Variants in TRHR observed in about 807,000 individuals in gnomAD.
TRHR encodes the protein thyrotropin-releasing hormone receptor.
TRHR carries 14 observed loss-of-function variants against 28.0 expected under a neutral mutation model. The ratio of observed to expected loss-of-function variants is 0.50; its 90% confidence interval spans 0.33 to 0.78. The LOEUF (loss-of-function observed/expected upper bound fraction) is 0.78, where lower values mean the gene tolerates loss of function less well. TRHR is among the 30% of genes least tolerant of loss of function. TRHR has a pLI of 0.02. For missense variants in TRHR, 438 were observed against 469.5 expected (o/e 0.93, Z 0.62); for synonymous variants, 176 against 171.9 (o/e 1.02, Z -0.18).
chr8:109,110,876 T>C (rs112070613), intron 2 of TRHR, among the ~76,000 whole-genome samples: 2,094 of 152,202 alleles, frequency 0.014, 47 homozygotes, highest in African/African-American at 0.041. Flanking sequence ...TGAATGTCAG[T>C]TGGGTGCGGT....
intron 2 of TRHR, among the ~76,000 whole-genome samples, chr8:109,104,121 G>A (rs1331411538): frequency 6.6e-6 from 1 of 152,054 alleles, no homozygotes; most frequent in East Asian, 1.9e-4. Flanking sequence ...CCACTGCCAG[G>A]TAGCCTGCTA....
chr8:109,097,146 T>A (rs1811606056), intron 2 of TRHR, among the ~76,000 whole-genome samples: 1 of 152,142 alleles, frequency 6.6e-6, no homozygotes, highest in Admixed American at 6.5e-5. Flanking sequence ...GGCTTTCCCA[T>A]GAACCTTTAA....
chr8:109,105,766 T>C (rs539079012), intron 2 of TRHR, among the ~76,000 whole-genome samples: 3 of 152,158 alleles, frequency 2.0e-5, no homozygotes, highest in Non-Finnish European at 4.4e-5. Flanking sequence ...ATTAAATTTT[T>C]AGTAGAACTT....
At chr8:109,114,647 T>C (rs920437667) in intron 2 of TRHR, among the ~76,000 whole-genome samples, 4 of 152,046 alleles carry the variant, frequency 2.6e-5, no homozygotes, top group Admixed American at 6.6e-5. Flanking sequence ...ATATACCCAC[T>C]GTTACACTTC....
chr8:109,099,326 T>C (rs1487752490), intron 2 of TRHR, among the ~76,000 whole-genome samples: 2 of 152,222 alleles, frequency 1.3e-5, no homozygotes, highest in Admixed American at 6.5e-5. Flanking sequence ...TATTTACAAA[T>C]AGGAGGCTAA....
intron 2 of TRHR, among the ~76,000 whole-genome samples, chr8:109,091,492 A>AT (rs1453658331): frequency 6.6e-6 from 1 of 152,128 alleles, no homozygotes; most frequent in African/African-American, 2.4e-5. Context: ...TTTTCTCTGC[A>AT]TTTTTTTCTT....
intron 2 of TRHR, among the ~76,000 whole-genome samples, chr8:109,112,231 G>A (rs1811844998): frequency 1.3e-5 from 2 of 152,094 alleles, no homozygotes; most frequent in Non-Finnish European, 2.9e-5. Flanking sequence ...AGACCCATGA[G>A]CATGCACAGA....
At chr8:109,103,684 T>C (rs1811710063) in intron 2 of TRHR, among the ~76,000 whole-genome samples, 1 of 152,160 alleles carries the variant, frequency 6.6e-6, no homozygotes, top group Admixed American at 6.6e-5. Context: ...CAAAATCCAA[T>C]GCAGACCCAA....
At chr8:109,116,684 C>T (rs1317588999) in intron 2 of TRHR, among the ~76,000 whole-genome samples, 1 of 151,886 alleles carries the variant, frequency 6.6e-6, no homozygotes, top group African/African-American at 2.4e-5. Flanking sequence ...CTATTTCATT[C>T]TTCTCTCTTT....
At chr8:109,107,784 T>C (rs1397797437) in intron 2 of TRHR, among the ~76,000 whole-genome samples, 1 of 152,058 alleles carries the variant, frequency 6.6e-6, no homozygotes, top group East Asian at 1.9e-4. Flanking sequence ...ATAGTACATA[T>C]TACAATGTGT....
At chr8:109,089,288 G>A (rs73702769) in intron 2 of TRHR, among the ~76,000 whole-genome samples, 5,125 of 151,174 alleles carry the variant, frequency 0.034, 296 homozygotes, top group African/African-American at 0.12. Flanking sequence ...AAATCAACAT[G>A]CTGATACTTT....
At chr8:109,100,359 T>C (rs551148320) in intron 2 of TRHR, among the ~76,000 whole-genome samples, 2 of 152,254 alleles carry the variant, frequency 1.3e-5, no homozygotes, top group South Asian at 4.1e-4. Flanking sequence ...TCTGAATAAG[T>C]TAAAAGCAAT....
chr8:109,097,932 T>C (rs1377188056), intron 2 of TRHR, among the ~76,000 whole-genome samples: 1 of 152,162 alleles, frequency 6.6e-6, no homozygotes, highest in African/African-American at 2.4e-5. Flanking sequence ...TAAATTCCTA[T>C]TTCAAAATTC....
At chr8:109,097,041 A>C (rs1295720434) in intron 2 of TRHR, among the ~76,000 whole-genome samples, 16 of 152,212 alleles carry the variant, frequency 1.1e-4, no homozygotes, top group Admixed American at 1.0e-3. Context: ...TTAGTGGAGA[A>C]GATGTTTTAG....
At chr8:109,111,796 T>A (rs1286493724) in intron 2 of TRHR, among the ~76,000 whole-genome samples, 1 of 152,212 alleles carries the variant, frequency 6.6e-6, no homozygotes, top group East Asian at 1.9e-4. Flanking sequence ...TTGATTTACT[T>A]TGTGAATGAA....
rs532043471 is a variant in TRHR at position 109,102,202 on chromosome 8, G to C, written c.789+13901G>C. Among the ~76,000 whole-genome samples the C allele has an allele frequency of 2.6e-5, 4 of 152,242 alleles. No homozygotes were observed. In the South Asian group the frequency reaches 8.3e-4, roughly 32 times the overall value. On this transcript the variant is annotated intron_variant, in intron 2 of 2. Transcript: ENST00000518632. ...TATGAGAGAGAACAGTAATAACATGGAGAAACGAGGCAAGGTATTTTTGTC... is the reference window on the plus strand; with the variant it reads ...TATGAGAGAGAACAGTAATAACATGCAGAAACGAGGCAAGGTATTTTTGTC...
chr8:109,101,525 G>C (rs1811676500), intron 2 of TRHR, among the ~76,000 whole-genome samples: 1 of 152,114 alleles, frequency 6.6e-6, no homozygotes, highest in African/African-American at 2.4e-5. Context: ...GTAGTTATTA[G>C]GGTTGAGTGC....
At chr8:109,100,179 A>C (rs923044719) in intron 2 of TRHR, among the ~76,000 whole-genome samples, 3 of 152,182 alleles carry the variant, frequency 2.0e-5, no homozygotes, top group African/African-American at 7.2e-5. Flanking sequence ...CATAAAATTC[A>C]GTAGGGGAGG....
chr8:109,112,961 T>A (rs1016676139), intron 2 of TRHR, among the ~76,000 whole-genome samples: 19 of 152,174 alleles, frequency 1.2e-4, no homozygotes, highest in Admixed American at 1.1e-3. Context: ...AGAACTTTGT[T>A]AATTTCAGAG....
Sources: gnomAD v4.1 joint callset for allele counts (sites outside exome capture counted in the v4.1 genomes callset) on GRCh38, gnomAD v4.1.1 for gene constraint, MANE v1.5 for transcripts, NCBI Gene and HGNC (gene_info 2026-07-23, HGNC 2026-07-21) for gene names.